The following MTUS2 variants were observed in gnomAD, a reference collection of about 807,000 sequenced individuals.
MTUS2 encodes the protein microtubule-associated tumor suppressor candidate 2.
Under a neutral mutation model 114.1 loss-of-function variants are expected in MTUS2, and 40 were observed. That is an observed-to-expected ratio of 0.35 (90% CI 0.27 to 0.46). The LOEUF is 0.46. MTUS2 is among the 20% of genes least tolerant of loss of function. The pLI is 1.00. For synonymous variants in MTUS2, 688 were observed against 672.0 expected, an observed-to-expected ratio of 1.02 and a Z score of -0.37; for missense variants, 1,679 against 1,705.4, an observed-to-expected ratio of 0.98 and a Z score of 0.27.
At chr13:29,327,552 T>C (rs570246816) in intron 7 of MTUS2, among the ~76,000 whole-genome samples, 216 of 152,390 alleles carry the variant, frequency 1.4e-3, no homozygotes, top group African/African-American at 5.0e-3. Flanking sequence ...TTCATCCATC[T>C]GGTAATAACC....
At chr13:29,056,538 G>A (rs189066955) in intron 4 of MTUS2, among the ~76,000 whole-genome samples, 361 of 151,890 alleles carry the variant, frequency 2.4e-3, no homozygotes, top group Middle Eastern at 0.01. Flanking sequence ...ATATGTTCAG[G>A]GATTGAATTT....
At chr13:29,335,398 C>A (rs959792980) in intron 7 of MTUS2, among the ~76,000 whole-genome samples, 1 of 152,162 alleles carries the variant, frequency 6.6e-6, no homozygotes, top group African/African-American at 2.4e-5. Context: ...GTGCCCGAAA[C>A]TTCATTAGCA....
intron 5 of MTUS2, among the ~76,000 whole-genome samples, chr13:29,123,884 C>T (rs1236374824): frequency 6.6e-6 from 1 of 152,194 alleles, no homozygotes; most frequent in African/African-American, 2.4e-5. Context: ...AGGCTGCCAT[C>T]CCCCTGCAGA....
intron 2 of MTUS2, among the ~76,000 whole-genome samples, chr13:28,944,345 C>A (rs1028833267): frequency 1.3e-5 from 2 of 152,020 alleles, no homozygotes; most frequent in African/African-American, 2.4e-5. Context: ...GAGAAATTTT[C>A]AATTCTGTTT....
intron 4 of MTUS2, among the ~76,000 whole-genome samples, chr13:29,082,283 T>C (rs894134118): frequency 6.6e-6 from 1 of 152,218 alleles, no homozygotes; most frequent in African/African-American, 2.4e-5. Flanking sequence ...ATGTCTGTTG[T>C]TTAAGCCACC....
At chr13:28,938,177 G>A (rs1882015688) in intron 2 of MTUS2, among the ~76,000 whole-genome samples, 1 of 152,178 alleles carries the variant, frequency 6.6e-6, no homozygotes, top group Admixed American at 6.5e-5. Flanking sequence ...GAGGTCAGGA[G>A]ATCGAGACCA....
chr13:29,191,895 G>A (rs555170019), intron 5 of MTUS2, among the ~76,000 whole-genome samples: 2 of 152,136 alleles, frequency 1.3e-5, no homozygotes, highest in African/African-American at 2.4e-5. Flanking sequence ...TCCATTTACT[G>A]TGTAAAATCA....
chr13:29,492,796 C>A, intron 12 of MTUS2, 77 bp downstream of exon 12: 1 of 1,124,462 alleles, frequency 8.9e-7, no homozygotes, highest in Non-Finnish European at 1.3e-6. Flanking sequence ...AACATTCATT[C>A]AGCACCTACT....
intron 7 of MTUS2, among the ~76,000 whole-genome samples, chr13:29,348,168 G>A (rs988945770): frequency 3.9e-5 from 6 of 152,152 alleles, no homozygotes; most frequent in Non-Finnish European, 8.8e-5. Flanking sequence ...TTCTAATCAT[G>A]GCTTGGTCTT....
Position 29,454,621 on chromosome 13 carries a change from C to G in MTUS2, c.3184+14572C>G, listed in dbSNP as rs187239627. On this transcript the variant is annotated intron_variant, in intron 9 of 15. Coordinates refer to ENST00000612955, the MANE Select transcript of MTUS2 (RefSeq NM_001033602.4). ...TCCAGAAAAGGCCGTAGCAAGGAAA[C>G]GCAGGAATCAGTGAACAAATGATTC... is the stretch of plus-strand genomic sequence containing the variant. 3.9e-5 allele frequency among the ~76,000 whole-genome samples: 6 copies of G among 152,056 alleles called. No individual in the cohort carries two copies. In the East Asian group the frequency reaches 1.2e-3, roughly 30 times the overall value.
chr13:29,096,097 A>G (rs894992978), intron 4 of MTUS2, among the ~76,000 whole-genome samples: 1 of 152,026 alleles, frequency 6.6e-6, no homozygotes, highest in African/African-American at 2.4e-5. Flanking sequence ...CTTGACTACT[A>G]ATTATCTCTC....
rs541535225 is a variant in MTUS2, at chr13:29,321,195, A to ATCCTGT, written c.2807-3418_2807-3417insTCCTGT. Among the ~76,000 whole-genome samples, 700 of 152,202 alleles carry ATCCTGT rather than the reference A, an allele frequency of 4.6e-3. 4 individuals are homozygous for ATCCTGT. Among genetic ancestry groups the ATCCTGT allele is most frequent in the African/African-American group, 0.016 (657 of 41,514 alleles). On this transcript the variant is annotated intron_variant, in intron 6 of 15. Transcript: ENST00000612955. ...GTGAGCCTGTTGAATGGATAAGCTC[A>ATCCTGT]CTCAGAAGACTGGACAGGAGAAGGC... is the stretch of plus-strand genomic sequence containing the variant.
chr13:29,215,478 T>C (rs74462768), intron 5 of MTUS2, among the ~76,000 whole-genome samples: 1 of 8,704 alleles, frequency 1.1e-4, no homozygotes, highest in Non-Finnish European at 2.3e-4. Context: ...TTTGCTGTTT[T>C]TTTTTTTTTT....
At chr13:29,061,564 C>T (rs1888420212) in intron 4 of MTUS2, among the ~76,000 whole-genome samples, 1 of 149,610 alleles carries the variant, frequency 6.7e-6, no homozygotes, top group African/African-American at 2.5e-5. Flanking sequence ...TCCTCTCTGT[C>T]CCATACATTC....
chr13:28,930,481 G>C (rs1216345210), intron 2 of MTUS2, among the ~76,000 whole-genome samples: 3 of 152,160 alleles, frequency 2.0e-5, no homozygotes, highest in Admixed American at 6.5e-5. Context: ...TAGCACTTCT[G>C]TTTCCTTACT....
At chr13:29,075,607 C>T (rs1430749817) in intron 4 of MTUS2, among the ~76,000 whole-genome samples, 1 of 152,186 alleles carries the variant, frequency 6.6e-6, no homozygotes, top group East Asian at 1.9e-4. Flanking sequence ...AAAATCACTT[C>T]AAAATAAAGC....
chr13:28,911,726 G>A (rs1304023411), intron 2 of MTUS2, among the ~76,000 whole-genome samples: 1 of 151,332 alleles, frequency 6.6e-6, no homozygotes, highest in East Asian at 1.9e-4. Context: ...ATCTCATTGT[G>A]GTTTTGATTT....
At chr13:29,063,157 T>G (rs1199864034) in intron 4 of MTUS2, among the ~76,000 whole-genome samples, 3 of 152,226 alleles carry the variant, frequency 2.0e-5, no homozygotes, top group Admixed American at 6.5e-5. Flanking sequence ...AAAAAGGCAG[T>G]ACTTTTCTAC....
At chr13:29,404,560 T>A (rs1874612816) in intron 8 of MTUS2, among the ~76,000 whole-genome samples, 1 of 152,118 alleles carries the variant, frequency 6.6e-6, no homozygotes, top group Non-Finnish European at 1.5e-5. Context: ...ACAGATACAA[T>A]TTTAACATTG....
Sources: gnomAD v4.1 joint callset for allele counts (sites outside exome capture counted in the v4.1 genomes callset) on GRCh38, gnomAD v4.1.1 for gene constraint, MANE v1.5 for transcripts, NCBI Gene and HGNC (gene_info 2026-07-23, HGNC 2026-07-21) for gene names.